The following ZFHX3 variants were observed in gnomAD, a reference collection of about 807,000 sequenced individuals.
ZFHX3 encodes the protein zinc finger homeobox 3.
Under a neutral mutation model 279.1 loss-of-function variants are expected in ZFHX3, and 42 were observed. The ratio of observed to expected loss-of-function variants is 0.15; its 90% CI spans 0.12 to 0.19. The LOEUF is 0.19. Among genes scored for constraint, ZFHX3 ranks in the 10% least tolerant of loss-of-function variants. The pLI, the probability that ZFHX3 is intolerant of heterozygous loss-of-function variation, is 1.00. For synonymous variants in ZFHX3, 2,293 were observed against 1,957.8 expected, an observed-to-expected ratio of 1.17 and a Z score of -4.52; for missense variants, 4,981 against 4,754.0, an observed-to-expected ratio of 1.05 and a Z score of -1.40.
At chr16:73,019,673 G>A (rs774558055) in intron 1 of ZFHX3, among the ~76,000 whole-genome samples, 4 of 152,132 alleles carry the variant, frequency 2.6e-5, no homozygotes, top group Non-Finnish European at 5.9e-5. Flanking sequence ...GAGTCATCAC[G>A]ACGCGCAGGA....
rs137908466 is a variant in ZFHX3, at chr16:73,533,512, T to C, written c.-1546-77254A>G. On this transcript the variant is annotated intron_variant, in intron 2 of 17. Transcript: ENST00000641206. ...TATCCTCATTCTCTTGGTAACCAGA[T>C]CCAGTTTCATGGCTTTAAATACCAT... 5.1e-4 allele frequency among the ~76,000 whole-genome samples: 77 copies of C among 151,828 alleles called. 2 individuals are homozygous for C. Among genetic ancestry groups the C allele is most frequent in the African/African-American group, 1.7e-3 (72 of 41,394 alleles).
chr16:72,828,070 T>C (rs1377200462), intron 5 of ZFHX3, among the ~76,000 whole-genome samples: 2 of 152,260 alleles, frequency 1.3e-5, no homozygotes, highest in Non-Finnish European at 2.9e-5. Context: ...TCAGTCATTT[T>C]CATTGCTCTC....
At chr16:73,798,624 C>T (rs183319156) in intron 1 of ZFHX3, among the ~76,000 whole-genome samples, 1 of 152,104 alleles carries the variant, frequency 6.6e-6, no homozygotes, top group Non-Finnish European at 1.5e-5. Context: ...GTGGGAATAG[C>T]TTGTCTGAAG....
intron 5 of ZFHX3, among the ~76,000 whole-genome samples, chr16:73,172,993 TTTG>T (rs746769143): frequency 9.7e-4 from 51 of 52,686 alleles, no homozygotes; most frequent in Middle Eastern, 0.026. Context: ...GGACTGTTTT[TTTG>T]TTTTTTTTTT....
chr16:73,674,708 T>A (rs968338255), intron 2 of ZFHX3, among the ~76,000 whole-genome samples: 3 of 152,174 alleles, frequency 2.0e-5, no homozygotes, highest in Non-Finnish European at 4.4e-5. Flanking sequence ...CTAAGCCAAG[T>A]GACTAAATCA....
chr16:73,846,561 G>A (rs972727353), intron 1 of ZFHX3, among the ~76,000 whole-genome samples: 9 of 152,146 alleles, frequency 5.9e-5, no homozygotes, highest in Admixed American at 2.0e-4. Context: ...CTATAAACAC[G>A]CTAATGAATG....
intron 3 of ZFHX3, among the ~76,000 whole-genome samples, chr16:72,930,405 T>C (rs1011549249): frequency 6.6e-6 from 1 of 150,514 alleles, no homozygotes; most frequent in Non-Finnish European, 1.5e-5. Flanking sequence ...AAAAGAAAAA[T>C]AAACATAAGC....
At chr16:72,967,286 G>A (rs1353304744) in intron 1 of ZFHX3, among the ~76,000 whole-genome samples, 1 of 152,126 alleles carries the variant, frequency 6.6e-6, no homozygotes, top group Non-Finnish European at 1.5e-5. Context: ...GATGAGCTCG[G>A]AGCATCTACT....
intron 1 of ZFHX3, among the ~76,000 whole-genome samples, chr16:73,735,171 T>C (rs1333620281): frequency 2.0e-5 from 3 of 152,156 alleles, no homozygotes; most frequent in Non-Finnish European, 2.9e-5. Flanking sequence ...TGTTTCATCT[T>C]GCAAAACTGA....
intron 2 of ZFHX3, among the ~76,000 whole-genome samples, chr16:73,465,557 T>G (rs8056270): frequency 0.11 from 15,985 of 152,090 alleles, 2,724 homozygotes; most frequent in African/African-American, 0.36. Flanking sequence ...GTCCACACTC[T>G]CTAGCTCAGC....
At position 73,546,714 on chromosome 16, in the gene ZFHX3, TGC is replaced by T. The variant is rs1187003513; in HGVS notation, c.-1546-90458_-1546-90457del. The stretch of plus-strand genomic sequence containing the variant: ...CTGCTGCTGCTGCTGCTGCTGCTGC[TGC>T]TGCTGCTGCTGCTGCTGCTGTTGCT... On this transcript the variant is annotated intron_variant, in intron 2 of 17. Transcript: ENST00000641206. 8.2e-5 allele frequency among the ~76,000 whole-genome samples: 12 copies of T among 146,596 alleles called. 1 individual carries two copies. The highest frequency in any genetic ancestry group is 1.2e-4 in the Non-Finnish European group (8 of 66,228).
At chr16:73,746,985 A>G (rs2053710553) in intron 1 of ZFHX3, among the ~76,000 whole-genome samples, 1 of 152,198 alleles carries the variant, frequency 6.6e-6, no homozygotes. Context: ...TAAAAATAAC[A>G]AAAATAGTAG....
At chr16:72,914,899 G>T (rs2039404485) in intron 3 of ZFHX3, among the ~76,000 whole-genome samples, 1 of 152,178 alleles carries the variant, frequency 6.6e-6, no homozygotes. Flanking sequence ...GCTGAGGCAG[G>T]AGAATTGCTT....
intron 4 of ZFHX3, among the ~76,000 whole-genome samples, chr16:72,830,615 T>C (rs2037038743): frequency 6.6e-6 from 1 of 152,168 alleles, no homozygotes; most frequent in South Asian, 2.1e-4. Context: ...CAGTACACAG[T>C]GCTACAGTGA....
chr16:72,791,345 A>C (rs1209749102), intron 9 of ZFHX3: 1 of 152,196 alleles, frequency 6.6e-6, no homozygotes, highest in Non-Finnish European at 1.5e-5. Flanking sequence ...CGGTCAGGTG[A>C]TGATAACTGG....
intron 2 of ZFHX3, among the ~76,000 whole-genome samples, chr16:73,460,795 A>T (rs904054892): frequency 3.9e-5 from 6 of 152,182 alleles, no homozygotes; most frequent in Non-Finnish European, 8.8e-5. Context: ...TTCTCGTGAG[A>T]TCTGGCCATT....
intron 1 of ZFHX3, among the ~76,000 whole-genome samples, chr16:73,741,578 C>T (rs534018136): frequency 3.9e-4 from 60 of 152,280 alleles, no homozygotes; most frequent in African/African-American, 1.3e-3. Context: ...AGCCAGGAAG[C>T]TTTGGAATCT....
chr16:73,025,654 T>C (rs189138531), intron 1 of ZFHX3, among the ~76,000 whole-genome samples: 7 of 152,140 alleles, frequency 4.6e-5, no homozygotes, highest in African/African-American at 1.7e-4. Flanking sequence ...AGGTCTGGCA[T>C]CTGGCCCCCT....
At chr16:73,540,886 G>A (rs2143748903) in intron 2 of ZFHX3, among the ~76,000 whole-genome samples, 1 of 152,310 alleles carries the variant, frequency 6.6e-6, no homozygotes, top group Admixed American at 6.5e-5. Flanking sequence ...ACAGAGAGAT[G>A]CAGGCACGTA....
Sources: gnomAD v4.1 joint callset for allele counts (sites outside exome capture counted in the v4.1 genomes callset) on GRCh38, gnomAD v4.1.1 for gene constraint, MANE v1.5 for transcripts, NCBI Gene and HGNC (gene_info 2026-07-23, HGNC 2026-07-21) for gene names.